ZNF420: variants seen among roughly 807,000 people sequenced by gnomAD.
The protein encoded by ZNF420 is ATM and p53-associated KZNF protein.
ZNF420 carries 31 observed loss-of-function variants against 44.7 expected under a neutral mutation model. That is an observed-to-expected ratio of 0.69 (90% CI 0.52 to 0.94). The LOEUF (loss-of-function observed/expected upper bound fraction) is 0.94, where lower values mean the gene tolerates loss of function less well. Among genes scored for constraint, ZNF420 ranks in the 40% least tolerant of loss-of-function variants. The pLI, the probability that ZNF420 is intolerant of heterozygous loss-of-function variation, is 0.00. For missense variants in ZNF420, 681 were observed against 827.9 expected (o/e 0.82, Z 2.18); for synonymous variants, 245 against 267.4 (o/e 0.92, Z 0.82).
intron 1 of ZNF420, among the ~76,000 whole-genome samples, chr19:37,024,439 A>G (rs1196253980): frequency 6.6e-6 from 1 of 151,786 alleles, no homozygotes; most frequent in Non-Finnish European, 1.5e-5. Flanking sequence ...TGGGTTCACA[A>G]AGGGATTTTT....
chr19:37,033,596 T>C, intron 1 of ZNF420, among the ~76,000 whole-genome samples: 1 of 152,296 alleles, frequency 6.6e-6, no homozygotes, highest in South Asian at 2.1e-4. Flanking sequence ...TGTTTATCCA[T>C]TCCTCTGTCA....
Position 37,091,146 on chromosome 19 carries a change from C to G in ZNF420, c.136+25C>G, listed in dbSNP as rs568343390. 5.9e-6 allele frequency: 9 copies of G among 1,522,404 alleles called. No individual in the cohort carries two copies. In the East Asian group the frequency reaches 2.1e-4, roughly 36 times the overall value. The allele number at this position is 1,522,404 out of a possible 1,614,324, so 94.3% of individuals were successfully genotyped here. On this transcript the variant is annotated intron_variant, in intron 4 of 4. Transcript: ENST00000337995. ...GGTAAGGAATCTAGCCTTCATATTTCAGGATCTACCTTTGGATTGGCTGCT... is the reference window on the plus strand; with the variant it reads ...GGTAAGGAATCTAGCCTTCATATTTGAGGATCTACCTTTGGATTGGCTGCT...
chr19:37,092,116 A>G (rs901174794), intron 4 of ZNF420: 2 of 152,118 alleles, frequency 1.3e-5, no homozygotes, highest in Non-Finnish European at 2.9e-5. Flanking sequence ...TCCAACCTAC[A>G]TGATAACTTT....
chr19:37,080,003 T>A (rs998736580), intron 1 of ZNF420, among the ~76,000 whole-genome samples: 6 of 151,880 alleles, frequency 4.0e-5, no homozygotes, highest in African/African-American at 1.5e-4. Context: ...TCTAAATAAA[T>A]AAATAAATAG....
intron 4 of ZNF420, among the ~76,000 whole-genome samples, chr19:37,123,373 GAATAGGTTCCAATTTTGTA>G (rs1971160033): frequency 6.6e-6 from 1 of 152,124 alleles, no homozygotes; most frequent in South Asian, 2.1e-4. Flanking sequence ...TTTAGGCCTT[GAATAGGTTCCAATTTTGTA>G]AAATGGTTTA....
intron 1 of ZNF420, among the ~76,000 whole-genome samples, chr19:37,042,900 T>C (rs1479315821): frequency 6.6e-6 from 1 of 152,222 alleles, no homozygotes; most frequent in East Asian, 1.9e-4. Flanking sequence ...TAAGAGGCCA[T>C]TTGAGGATTA....
chr19:37,106,565 G>A (rs111576677), intron 4 of ZNF420, among the ~76,000 whole-genome samples: 1,998 of 152,234 alleles, frequency 0.013, 47 homozygotes, highest in African/African-American at 0.045. Flanking sequence ...GATTTAGGCC[G>A]AACACGGTGG....
At chr19:37,023,417 G>A (rs568773695) in intron 1 of ZNF420, among the ~76,000 whole-genome samples, 1 of 152,040 alleles carries the variant, frequency 6.6e-6, no homozygotes, top group East Asian at 2.0e-4. Context: ...CCGTGCTGGA[G>A]TGCAGTGGCG....
intron 1 of ZNF420, among the ~76,000 whole-genome samples, chr19:37,052,074 AGTTAGCTCTTCTT>A (rs1306026014): frequency 3.9e-5 from 6 of 152,196 alleles, no homozygotes; most frequent in Admixed American, 1.3e-4. Context: ...TATTTAGGAT[AGTTAGCTCTTCTT>A]GTTGAATTGA....
At chr19:37,017,040 G>A (rs2074613780) in intron 1 of ZNF420, among the ~76,000 whole-genome samples, 1 of 152,130 alleles carries the variant, frequency 6.6e-6, no homozygotes, top group African/African-American at 2.4e-5. Flanking sequence ...GATATGAGCA[G>A]GTGACCACAT....
At chr19:37,052,916 T>C (rs1417960489) in intron 1 of ZNF420, among the ~76,000 whole-genome samples, 1 of 152,220 alleles carries the variant, frequency 6.6e-6, no homozygotes, top group Admixed American at 6.5e-5. Flanking sequence ...CCTGCCTTGC[T>C]AGATTGGGGA....
intron 4 of ZNF420, chr19:37,091,589 A>T (rs1223521951): frequency 6.6e-6 from 1 of 152,370 alleles, no homozygotes; most frequent in Non-Finnish European, 1.5e-5. Context: ...TAATTAGAAC[A>T]AACACATTGT....
intron 1 of ZNF420, among the ~76,000 whole-genome samples, chr19:37,039,840 A>AG (rs1292285365): frequency 1.3e-5 from 2 of 151,924 alleles, no homozygotes; most frequent in Non-Finnish European, 1.5e-5. Context: ...TGCTTGTACC[A>AG]GAGGCATGCA....
At chr19:37,021,179 T>G (rs1379444416) in intron 1 of ZNF420, among the ~76,000 whole-genome samples, 1 of 152,252 alleles carries the variant, frequency 6.6e-6, no homozygotes, top group Non-Finnish European at 1.5e-5. Flanking sequence ...GTCTCTGTAC[T>G]GACTATTCAA....
intron 1 of ZNF420, among the ~76,000 whole-genome samples, chr19:37,041,103 C>T (rs967488107): frequency 6.6e-6 from 1 of 151,996 alleles, no homozygotes; most frequent in African/African-American, 2.4e-5. Flanking sequence ...GTGGGAGGGT[C>T]ACCTGAGGTC....
At chr19:37,079,748 G>T (rs139297424) in intron 1 of ZNF420, among the ~76,000 whole-genome samples, 11 of 152,094 alleles carry the variant, frequency 7.2e-5, no homozygotes, top group African/African-American at 2.7e-4. Flanking sequence ...TGCTGTGCGC[G>T]GTGGCTCACA....
Position 37,071,086 on chromosome 19 carries a change from G to T in ZNF420, c.-124-9259G>T, listed in dbSNP as rs1222846976. 2.6e-5 allele frequency among the ~76,000 whole-genome samples: 4 copies of T among 152,286 alleles called. No homozygotes were observed. The East Asian group carries it at 7.7e-4, about 29-fold the overall frequency. On this transcript the variant is annotated intron_variant, in intron 1 of 4. Coordinates refer to the ZNF420 transcript ENST00000587029. ...GTCCCTTTGCACAAGAAAGTTTGAT[G>T]ACCCTTGCCCTAGAACAGCCTCTGC...
intron 4 of ZNF420, among the ~76,000 whole-genome samples, chr19:37,118,781 C>T (rs1239470666): frequency 7.3e-5 from 11 of 151,204 alleles, no homozygotes; most frequent in Admixed American, 7.3e-4. Flanking sequence ...GAAGATCTAC[C>T]AAGCAAATGG....
intron 1 of ZNF420, among the ~76,000 whole-genome samples, chr19:37,068,162 ATAACT>A (rs566703945): frequency 2.3e-4 from 35 of 152,318 alleles, no homozygotes; most frequent in Non-Finnish European, 4.4e-4. Flanking sequence ...TCACACATTG[ATAACT>A]TAAGTATGTC....
Sources: allele counts gnomAD v4.1 joint callset (sites outside exome capture counted in the v4.1 genomes callset), GRCh38; gene constraint gnomAD v4.1.1; transcripts MANE v1.5; gene names NCBI Gene and HGNC (gene_info 2026-07-23, HGNC 2026-07-21).